The following ABCC2 variants were observed in gnomAD, a reference collection of about 807,000 sequenced individuals.
ABCC2 encodes the protein ATP binding cassette subfamily C member 2.
A neutral mutation model predicts 173.4 loss-of-function variants in ABCC2; 157 were observed. That is an observed-to-expected ratio of 0.91 (90% CI 0.80 to 1.03). ABCC2 has a LOEUF of 1.03. ABCC2 is among the 50% of genes least tolerant of loss of function. The probability of loss-of-function intolerance (pLI) is 0.00; values close to 1 mark genes in which losing one functional copy is unlikely to be tolerated. For synonymous variants in ABCC2, 657 were observed against 693.5 expected (o/e 0.95, Z 0.83); for missense variants, 1,822 against 1,852.3 (o/e 0.98, Z 0.30).
In ABCC2 at chr10:99,784,672, T is replaced by G; in HGVS notation, c.98T>G (p.Val33Gly). ...CTTTGTTTTGAGCAAACTGTTCTGG[T>G]GTGGATTCCCTTGGGCTACCTATGG... ...LPLCFEQTVL[V>G]WIPLGYLWLL... The change falls in exon 2 of 32, where the codon GTG (valine) becomes GGG (glycine). Residue 33 changes from valine (V) to glycine (G), a missense_variant. Coordinates refer to ENST00000647814, the MANE Select transcript of ABCC2 (RefSeq NM_000392.5). The G allele has an allele frequency of 1.2e-6, 2 of 1,614,198 alleles. No individual in the cohort carries two copies. The highest frequency in any genetic ancestry group is 1.1e-5 in the South Asian group (1 of 91,084).
chr10:99,845,841 CAT>C, intron 29 of ABCC2, 59 bp downstream of exon 29: 3 of 1,530,734 alleles, frequency 2.0e-6, no homozygotes, highest in Non-Finnish European at 1.8e-6. Context: ...TTACAGGAAA[CAT>C]ATGCAGCTTC....
chr10:99,847,279 G>A (rs983961432), intron 30 of ABCC2, 152 bp downstream of exon 30: 9 of 969,414 alleles, frequency 9.3e-6, no homozygotes, highest in Non-Finnish European at 1.4e-5. Flanking sequence ...AAGTTCACAA[G>A]ATAAAATAGA....
intron 7 of ABCC2, chr10:99,797,537 T>A (rs2037940393): frequency 1.7e-6 from 1 of 574,172 alleles, no homozygotes; most frequent in African/African-American, 1.9e-5. Context: ...TTTGGGGTAC[T>A]TTTGAAATTT....
rs767242200 is a variant in ABCC2 at position 99,808,216 on chromosome 10, C to T, written c.1802C>T (p.Ser601Phe). ...CTGAGCATGCTTCCCATGATGATCT[C>T]CTCCATGCTCCAGGTAGGTCGGCAT... ...FPLSMLPMMI[S>F]SMLQASVSTE... The change falls in exon 13 of 32, where the codon TCC becomes TTC. Residue 601 changes from serine (S) to phenylalanine (F), a missense_variant. Transcript: ENST00000647814. The T allele has an allele frequency of 1.2e-6, 2 of 1,614,120 alleles. No individual in the cohort carries two copies. The highest frequency in any genetic ancestry group is 1.7e-6 in the Non-Finnish European group (2 of 1,180,008).
chr10:99,800,257 G>A, intron 8 of ABCC2, 129 bp from the exon 9 acceptor site: 1 of 1,018,066 alleles, frequency 9.8e-7, no homozygotes, highest in Admixed American at 1.7e-5. Flanking sequence ...TCTTTCAAAG[G>A]CTTTGGACAA....
At chr10:99,835,544 C>T (rs2038807213) in intron 24 of ABCC2, among the ~76,000 whole-genome samples, 1 of 152,124 alleles carries the variant, frequency 6.6e-6, no homozygotes, top group Non-Finnish European at 1.5e-5. Flanking sequence ...TTCTTACCCC[C>T]TCAGCACTCT....
In ABCC2 at chr10:99,782,726, C is replaced by T. The variant is rs1357337871; in HGVS notation, c.-119C>T. On this transcript the variant is annotated 5_prime_UTR_variant, in exon 1 of 32. The change creates a new upstream start codon in the 5' untranslated region. Coordinates refer to ENST00000647814, the MANE Select transcript of ABCC2 (RefSeq NM_000392.5). ...GGTTGGGATGAAAGGTCATCCTTTA[C>T]GGAGAACATCAGAATGGTAGATAAT... The T allele has an allele frequency of 1.3e-5, 15 of 1,181,120 alleles. No individual in the cohort carries two copies. Among genetic ancestry groups the T allele is most frequent in the South Asian group, 5.0e-5 (4 of 79,516 alleles). The allele number at this position is 1,181,120 out of a possible 1,614,324, so 73.2% of individuals were successfully genotyped here.
rs778443024 is a variant in ABCC2, at chr10:99,819,169, A to G, written c.2520A>G (p.Val840=). The change falls in exon 19 of 32, where the codon GTA becomes GTG. Residue 840 remains valine (V), a synonymous_variant. Transcript: ENST00000647814. ...EIVVLGNGTI[V]EKGSYSALLA... ...TAGTTCTGGGGAATGGAACAATTGT[A>G]GAGAAAGGATCCTACAGTGCTCTCC... 6 of 1,614,058 alleles carry G rather than the reference A, an allele frequency of 3.7e-6. No homozygotes were observed. In the Admixed American group the frequency reaches 8.3e-5, roughly 22 times the overall value.
chr10:99,814,899 G>T (rs559010584), intron 16 of ABCC2, among the ~76,000 whole-genome samples: 1 of 151,148 alleles, frequency 6.6e-6, no homozygotes, highest in Admixed American at 6.6e-5. Flanking sequence ...CACCTCCTGG[G>T]TTCAAGCAAT....
chr10:99,801,724 C>T (rs922456406), intron 9 of ABCC2, among the ~76,000 whole-genome samples: 2 of 152,204 alleles, frequency 1.3e-5, no homozygotes, highest in Non-Finnish European at 2.9e-5. Context: ...AGTTGGAACA[C>T]TAGTTGACTT....
At chr10:99,820,550 G>A (rs2133084920) in intron 19 of ABCC2, among the ~76,000 whole-genome samples, 1 of 152,268 alleles carries the variant, frequency 6.6e-6, no homozygotes, top group South Asian at 2.1e-4. Flanking sequence ...TGGAGCCCAG[G>A]AGTTTGAGAC....
At chr10:99,803,442 C>T (rs2038045125) in intron 9 of ABCC2, among the ~76,000 whole-genome samples, 2 of 152,136 alleles carry the variant, frequency 1.3e-5, no homozygotes, top group African/African-American at 4.8e-5. Flanking sequence ...CCCTCCTTCC[C>T]TTCTCCCTTT....
intron 3 of ABCC2, among the ~76,000 whole-genome samples, chr10:99,792,950 T>G (rs148713114): frequency 0.012 from 1,824 of 152,350 alleles, 33 homozygotes; most frequent in African/African-American, 0.042. Context: ...CAATGTCAGC[T>G]GGGCCTCAGT....
chr10:99,812,963 T>C, intron 15 of ABCC2, 55 bp from the exon 16 acceptor site: 1 of 1,605,356 alleles, frequency 6.2e-7, no homozygotes, highest in South Asian at 1.1e-5. Flanking sequence ...TGACTTGAAC[T>C]ACTCTTCAAT....
rs534393120 is a variant in ABCC2 at position 99,845,110 on chromosome 10, A to G, written c.3988-514A>G. 3.3e-5 allele frequency among the ~76,000 whole-genome samples: 5 copies of G among 152,166 alleles called. No individual in the cohort carries two copies. In the South Asian group the frequency reaches 1.0e-3, roughly 32 times the overall value. ...AGTGGCACAATCTTGGCTCACTGCA[A>G]CCTCTGCTTCCTGGGTTCAAGTGAT... On this transcript the variant is annotated intron_variant, in intron 28 of 31. Transcript: ENST00000647814.
intron 3 of ABCC2, 133 bp from the exon 4 acceptor site, chr10:99,793,418 C>T: frequency 7.5e-7 from 1 of 1,338,898 alleles, no homozygotes; most frequent in Non-Finnish European, 1.1e-6. Flanking sequence ...TGTGTGCTCT[C>T]TACCTGGCCA....
chr10:99,817,579 G>T, intron 17 of ABCC2, 95 bp downstream of exon 17: 2 of 1,351,222 alleles, frequency 1.5e-6, no homozygotes, highest in Non-Finnish European at 1.0e-6. Context: ...TAATCTAGTT[G>T]ATTAATTTAG....
chr10:99,848,879 G>A (rs1295398416), intron 30 of ABCC2, among the ~76,000 whole-genome samples: 1 of 152,190 alleles, frequency 6.6e-6, no homozygotes. Flanking sequence ...CAGGACTCAA[G>A]TAGGTCTTTA....
rs2038242968 is a variant in ABCC2, at chr10:99,813,000, G to T, written c.1968-18G>T. ...CCCAACCCCTGCTATCTCCTTCAAAGACATTCCTGTCTTTCAGTGTGAACC... is the reference window on the plus strand; with the variant it reads ...CCCAACCCCTGCTATCTCCTTCAAATACATTCCTGTCTTTCAGTGTGAACC... On this transcript the variant is annotated intron_variant, in intron 15 of 31. Coordinates refer to ENST00000647814, the MANE Select transcript of ABCC2 (RefSeq NM_000392.5). 2.5e-6 allele frequency: 4 copies of T among 1,613,484 alleles called. No homozygotes were observed. The highest frequency in any genetic ancestry group is 3.4e-6 in the Non-Finnish European group (4 of 1,179,628).
Sources: allele counts gnomAD v4.1 joint callset (sites outside exome capture counted in the v4.1 genomes callset), GRCh38; gene constraint gnomAD v4.1.1; transcripts MANE v1.5; gene names NCBI Gene and HGNC (gene_info 2026-07-23, HGNC 2026-07-21).